Variants in GHR observed in about 807,000 individuals in gnomAD.
GHR encodes the protein growth hormone receptor.
GHR carries 35 observed loss-of-function variants against 67.1 expected under a neutral mutation model. The observed-to-expected ratio is 0.52, with a 90% confidence interval of 0.40 to 0.69. GHR has a LOEUF of 0.69. Among genes scored for constraint, GHR ranks in the 30% least tolerant of loss-of-function variants. GHR has a pLI of 0.00. For missense variants in GHR, 792 were observed against 764.6 expected (o/e 1.04, Z -0.42); for synonymous variants, 272 against 269.1 (o/e 1.01, Z -0.10).
chr5:42,470,478 T>C (rs1428093164), intron 1 of GHR, among the ~76,000 whole-genome samples: 1 of 152,136 alleles, frequency 6.6e-6, no homozygotes, highest in Non-Finnish European at 1.5e-5. Flanking sequence ...CCGCAGAATC[T>C]TGGGTTATCA....
intron 2 of GHR, among the ~76,000 whole-genome samples, chr5:42,595,242 A>G (rs1752003532): frequency 6.6e-6 from 1 of 152,216 alleles, no homozygotes; most frequent in South Asian, 2.1e-4. Flanking sequence ...TTTTTATCAT[A>G]AGTTTAACAA....
rs112894864 is a variant in GHR, at chr5:42,431,306, G to C, written c.-12+7351G>C. 4.2e-3 allele frequency among the ~76,000 whole-genome samples: 640 copies of C among 152,122 alleles called. 2 individuals carry two copies. Among genetic ancestry groups the C allele is most frequent in the Non-Finnish European group, 7.2e-3 (486 of 67,952 alleles). On this transcript the variant is annotated intron_variant, in intron 1 of 9. Transcript: ENST00000230882. ...TTCTGAAATATTGTTTTTCTCTTTT[G>C]TTGTTGTTTTTTTCTTTGTGCTAAA... is the stretch of plus-strand genomic sequence containing the variant.
chr5:42,693,402 G>A (rs1446932540), intron 4 of GHR, among the ~76,000 whole-genome samples: 3 of 151,968 alleles, frequency 2.0e-5, no homozygotes, highest in African/African-American at 7.3e-5. Flanking sequence ...GCCTCCGAAA[G>A]TGCTGGGATT....
chr5:42,470,357 T>A (rs2112097790), intron 1 of GHR, among the ~76,000 whole-genome samples: 1 of 151,930 alleles, frequency 6.6e-6, no homozygotes, highest in African/African-American at 2.4e-5. Context: ...AATCATGCTT[T>A]GCAATTATTA....
intron 2 of GHR, among the ~76,000 whole-genome samples, chr5:42,619,243 C>T (rs1231683572): frequency 6.6e-6 from 1 of 152,130 alleles, no homozygotes; most frequent in East Asian, 1.9e-4. Flanking sequence ...GGCTGCAAGA[C>T]CCTGCAACAT....
At chr5:42,577,500 A>G (rs1348744262) in intron 2 of GHR, among the ~76,000 whole-genome samples, 1 of 152,328 alleles carries the variant, frequency 6.6e-6, no homozygotes, top group Non-Finnish European at 1.5e-5. Context: ...AGTTGTGTAC[A>G]TGACTGCAGA....
In GHR at chr5:42,440,129, G is replaced by A. The variant is rs113988768; in HGVS notation, c.-12+16174G>A. Among the ~76,000 whole-genome samples, 52 of 152,278 alleles carry A rather than the reference G, an allele frequency of 3.4e-4. No individual in the cohort carries two copies. In the South Asian group the frequency reaches 4.4e-3, roughly 13 times the overall value. ...TTGATTCAACAGATATTTATTGAAC[G>A]TTTACACTTTGCCCAGTGGAGCACT... On this transcript the variant is annotated intron_variant, in intron 1 of 9. Coordinates refer to ENST00000230882, the MANE Select transcript of GHR (RefSeq NM_000163.5).
rs1580125740 is a variant in GHR at position 42,650,120 on chromosome 5, G to A, written c.136+21017G>A. Reference sequence around the variant, plus strand: ...GTGGGTGACGGGAACTGTCAAGAAAGAAAAAAAATATGGCTGTGGATCTTA... The same window carrying A: ...GTGGGTGACGGGAACTGTCAAGAAAAAAAAAAAATATGGCTGTGGATCTTA... On this transcript the variant is annotated intron_variant, in intron 3 of 9. Transcript: ENST00000230882. 2.0e-5 allele frequency among the ~76,000 whole-genome samples: 3 copies of A among 151,958 alleles called. No individual in the cohort carries two copies. In the South Asian group the frequency reaches 6.2e-4, roughly 32 times the overall value.
chr5:42,604,247 A>G (rs921136576), intron 2 of GHR, among the ~76,000 whole-genome samples: 4 of 152,152 alleles, frequency 2.6e-5, no homozygotes, highest in Non-Finnish European at 5.9e-5. Flanking sequence ...CTCTTTGGCC[A>G]TTTATGGAGA....
At chr5:42,527,322 C>T (rs1386047069) in intron 1 of GHR, among the ~76,000 whole-genome samples, 1 of 152,126 alleles carries the variant, frequency 6.6e-6, no homozygotes, top group African/African-American at 2.4e-5. Context: ...ATCCTGTCTT[C>T]AATAGACCCA....
intron 2 of GHR, among the ~76,000 whole-genome samples, chr5:42,583,878 G>GATATATATATATATATATATATAT (rs138386131): frequency 2.9e-5 from 4 of 138,974 alleles, no homozygotes; most frequent in East Asian, 4.5e-4. Flanking sequence ...TTTAAATAAA[G>GATATATATATATATATATATATAT]ATATATATAT....
At chr5:42,469,240 G>A (rs549109296) in intron 1 of GHR, among the ~76,000 whole-genome samples, 1 of 152,306 alleles carries the variant, frequency 6.6e-6, no homozygotes, top group Non-Finnish European at 1.5e-5. Context: ...ACTTAGGAAA[G>A]CCTAATGGGA....
intron 1 of GHR, among the ~76,000 whole-genome samples, chr5:42,516,153 CA>C (rs1747228253): frequency 1.3e-5 from 2 of 152,104 alleles, no homozygotes; most frequent in Non-Finnish European, 2.9e-5. Flanking sequence ...ATGGAAGAGA[CA>C]AAAGTCTCAA....
At chr5:42,490,992 CATAAT>C (rs1746091216) in intron 1 of GHR, among the ~76,000 whole-genome samples, 1 of 152,222 alleles carries the variant, frequency 6.6e-6, no homozygotes, top group African/African-American at 2.4e-5. Flanking sequence ...CAGCTGTTGT[CATAAT>C]ATTTCTAACA....
intron 1 of GHR, among the ~76,000 whole-genome samples, chr5:42,564,911 A>G (rs1749838467): frequency 6.6e-6 from 1 of 152,226 alleles, no homozygotes; most frequent in African/African-American, 2.4e-5. Flanking sequence ...AGTTGGCATT[A>G]GTTGTCAGAC....
At chr5:42,591,542 C>T (rs1751777708) in intron 2 of GHR, among the ~76,000 whole-genome samples, 1 of 152,116 alleles carries the variant, frequency 6.6e-6, no homozygotes, top group African/African-American at 2.4e-5. Flanking sequence ...AACGACTGTT[C>T]CACTAATCTG....
chr5:42,536,746 T>A (rs1579895486), intron 1 of GHR, among the ~76,000 whole-genome samples: 2 of 152,266 alleles, frequency 1.3e-5, no homozygotes, highest in East Asian at 3.9e-4. Flanking sequence ...TTGGTATCAA[T>A]TCTTCTTTGA....
At chr5:42,476,127 T>A (rs1745302491) in intron 1 of GHR, among the ~76,000 whole-genome samples, 1 of 151,956 alleles carries the variant, frequency 6.6e-6, no homozygotes, top group Admixed American at 6.6e-5. Flanking sequence ...GATGGTCTGA[T>A]CTCCTGACCT....
At chr5:42,423,976 G>A (rs1742728378) in intron 1 of GHR, 21 bp downstream of exon 1, 1 of 154,068 alleles carries the variant, frequency 6.5e-6, no homozygotes, top group African/African-American at 2.4e-5. Flanking sequence ...GGGGCTCCGG[G>A]AGTCTGGCTT....
Sources: allele counts gnomAD v4.1 joint callset (sites outside exome capture counted in the v4.1 genomes callset), GRCh38; gene constraint gnomAD v4.1.1; transcripts MANE v1.5; gene names NCBI Gene and HGNC (gene_info 2026-07-23, HGNC 2026-07-21).